Variants in SORBS2 observed in about 807,000 individuals in gnomAD.
The protein encoded by SORBS2 is sorbin and SH3 domain-containing protein 2.
A neutral mutation model predicts 97.7 loss-of-function variants in SORBS2; 46 were observed. The ratio of observed to expected loss-of-function variants is 0.47; its 90% confidence interval spans 0.37 to 0.60. The LOEUF (loss-of-function observed/expected upper bound fraction) is 0.60, where lower values mean the gene tolerates loss of function less well. SORBS2 is among the 20% of genes least tolerant of loss of function. The pLI is 0.00. For synonymous variants in SORBS2, 476 were observed against 473.4 expected (o/e 1.01, Z -0.07); for missense variants, 1,316 against 1,282.3 (o/e 1.03, Z -0.40).
chr4:185,854,815 GAGC>G (rs1579201060), intron 1 of SORBS2, among the ~76,000 whole-genome samples: 2 of 135,810 alleles, frequency 1.5e-5, no homozygotes, highest in Non-Finnish European at 3.2e-5. Flanking sequence ...GAGAGAGAGA[GAGC>G]CTTAGTTAGT....
intron 2 of SORBS2, among the ~76,000 whole-genome samples, chr4:185,768,703 A>AAAC (rs1553983010): frequency 8.9e-5 from 9 of 101,508 alleles, no homozygotes; most frequent in African/African-American, 3.1e-4. Flanking sequence ...TGTCTCAAAA[A>AAAC]AAAAAAAACA....
At chr4:185,802,140 G>A (rs1371530732) in intron 1 of SORBS2, among the ~76,000 whole-genome samples, 2 of 152,074 alleles carry the variant, frequency 1.3e-5, no homozygotes, top group South Asian at 2.1e-4. Context: ...GAACTCCATT[G>A]CTTAAGACGA....
At chr4:185,894,546 A>G (rs1443913607) in intron 1 of SORBS2, among the ~76,000 whole-genome samples, 1 of 152,220 alleles carries the variant, frequency 6.6e-6, no homozygotes, top group Non-Finnish European at 1.5e-5. Flanking sequence ...TACCAATTAC[A>G]TCACATGTTA....
intron 2 of SORBS2, among the ~76,000 whole-genome samples, chr4:185,699,364 G>A (rs1332943024): frequency 2.2e-5 from 3 of 135,316 alleles, no homozygotes; most frequent in Non-Finnish European, 4.6e-5. Flanking sequence ...TCGGCTCACC[G>A]CAGCCTCCAC....
At chr4:185,910,555 GT>G (rs1218898435) in intron 1 of SORBS2, among the ~76,000 whole-genome samples, 1 of 152,052 alleles carries the variant, frequency 6.6e-6, no homozygotes. Flanking sequence ...TTATGTGTTT[GT>G]TTGTTTTTTG....
intron 2 of SORBS2, among the ~76,000 whole-genome samples, chr4:185,710,840 G>C (rs1408835892): frequency 1.3e-5 from 2 of 152,224 alleles, no homozygotes; most frequent in Non-Finnish European, 2.9e-5. Context: ...GATGAGCTTA[G>C]GGAAACCCGG....
At chr4:185,862,560 C>T (rs1249322217) in intron 1 of SORBS2, among the ~76,000 whole-genome samples, 2 of 152,236 alleles carry the variant, frequency 1.3e-5, no homozygotes, top group African/African-American at 4.8e-5. Context: ...TCACTGCTTA[C>T]CTTGCGGTGC....
At chr4:185,749,113 C>T (rs534782252) in intron 2 of SORBS2, among the ~76,000 whole-genome samples, 5 of 152,304 alleles carry the variant, frequency 3.3e-5, no homozygotes, top group African/African-American at 4.8e-5. Flanking sequence ...CAGTAGGGAT[C>T]GGCAGGCACA....
intron 4 of SORBS2, chr4:185,676,916 T>A (rs539593965): frequency 6.0e-6 from 7 of 1,158,848 alleles, no homozygotes; most frequent in Non-Finnish European, 4.8e-6. Context: ...CATTAGGTCA[T>A]ATAAGAAGCC....
intron 2 of SORBS2, among the ~76,000 whole-genome samples, chr4:185,740,774 C>T (rs868319498): frequency 9.9e-5 from 15 of 151,480 alleles, no homozygotes; most frequent in African/African-American, 3.6e-4. Context: ...CTAACTCAGC[C>T]CAGCACCAAC....
At chr4:185,953,678 C>T (rs747286882) in intron 1 of SORBS2, among the ~76,000 whole-genome samples, 2 of 152,232 alleles carry the variant, frequency 1.3e-5, no homozygotes, top group Non-Finnish European at 1.5e-5. Flanking sequence ...TTGCTGGCTC[C>T]GTAGCCAGGC....
intron 9 of SORBS2, 183 bp from the exon 22 acceptor site, chr4:185,615,342 A>G (rs2096611861): frequency 3.4e-6 from 2 of 583,934 alleles, no homozygotes; most frequent in East Asian, 2.9e-5. Context: ...TTAAAACATT[A>G]TAACTTTAGA....
intron 2 of SORBS2, among the ~76,000 whole-genome samples, chr4:185,701,953 T>C (rs1027220108): frequency 6.6e-6 from 1 of 152,034 alleles, no homozygotes; most frequent in Non-Finnish European, 1.5e-5. Flanking sequence ...TGTATTTTAG[T>C]AGAGACGGGG....
chr4:185,617,738 C>T (rs968220005), intron 9 of SORBS2, among the ~76,000 whole-genome samples: 3 of 152,020 alleles, frequency 2.0e-5, no homozygotes, highest in African/African-American at 7.3e-5. Context: ...AGAATAAAGG[C>T]AAAAGAAATA....
Position 185,606,485 on chromosome 4 carries a change from ATC to A in SORBS2, c.2796+5293_2796+5294del. 1 of 983,188 alleles carries A rather than the reference ATC, an allele frequency of 1.0e-6. No individual in the cohort carries two copies. Among genetic ancestry groups the A allele is most frequent in the Non-Finnish European group, 1.2e-6 (1 of 827,880 alleles). The allele number at this position is 983,188 out of a possible 1,614,324, so 60.9% of individuals were successfully genotyped here. ...GTATTTGTGTTTTTTGTTTAAAAAA[ATC>A]TGTTAGTCAAAATAGGTATTTATTA... On this transcript the variant is annotated intron_variant, in intron 12 of 14. Transcript: ENST00000418609. The surrounding 1 kb of genome is among the most constrained non-coding windows in gnomAD (Gnocchi z 4.3).
intron 1 of SORBS2, among the ~76,000 whole-genome samples, chr4:185,821,789 G>C (rs2099196960): frequency 6.6e-6 from 1 of 152,174 alleles, no homozygotes; most frequent in Admixed American, 6.5e-5. Context: ...GGAGCTCTAG[G>C]ACCCATTTAC....
chr4:185,854,776 GA>G (rs1221058047), intron 1 of SORBS2, among the ~76,000 whole-genome samples: 2 of 122,404 alleles, frequency 1.6e-5, no homozygotes, highest in Non-Finnish European at 3.4e-5. Context: ...TGCACAAAGA[GA>G]AATAGAGAAG....
At chr4:185,628,989 G>A (rs1039191542) in intron 5 of SORBS2, among the ~76,000 whole-genome samples, 6 of 152,204 alleles carry the variant, frequency 3.9e-5, no homozygotes, top group Admixed American at 3.3e-4. Context: ...AGACAACAGT[G>A]ATAATAGCAA....
chr4:185,944,187 C>G (rs2150008053), intron 1 of SORBS2, among the ~76,000 whole-genome samples: 1 of 152,210 alleles, frequency 6.6e-6, no homozygotes, highest in South Asian at 2.1e-4. Flanking sequence ...CTTATATAGC[C>G]AACTACTTTT....
Sources: allele counts gnomAD v4.1 joint callset (sites outside exome capture counted in the v4.1 genomes callset), GRCh38; gene constraint gnomAD v4.1.1; non-coding constraint Gnocchi (gnomAD v3.1); transcripts MANE v1.5; gene names NCBI Gene and HGNC (gene_info 2026-07-23, HGNC 2026-07-21).